The following GRIK1 variants were observed in gnomAD, a reference collection of about 807,000 sequenced individuals.
GRIK1 encodes the protein glutamate receptor ionotropic, kainate 1.
Under a neutral mutation model 105.7 loss-of-function variants are expected in GRIK1, and 69 were observed. The ratio of observed to expected loss-of-function variants is 0.65; its 90% CI spans 0.54 to 0.80. The LOEUF (loss-of-function observed/expected upper bound fraction) is 0.80. Among genes scored for constraint, GRIK1 ranks in the 30% least tolerant of loss-of-function variants. The pLI is 0.00. For synonymous variants in GRIK1, 438 were observed against 431.3 expected (o/e 1.02, Z -0.19); for missense variants, 1,109 against 1,167.3 (o/e 0.95, Z 0.73).
chr21:29,933,663 T>C (rs1416294450), intron 1 of GRIK1, among the ~76,000 whole-genome samples: 1 of 152,128 alleles, frequency 6.6e-6, no homozygotes, highest in East Asian at 1.9e-4. Context: ...AGACTGAAGG[T>C]ATGCCATGCA....
intron 1 of GRIK1, among the ~76,000 whole-genome samples, chr21:29,935,072 T>C (rs1373333936): frequency 1.3e-5 from 2 of 152,078 alleles, no homozygotes; most frequent in African/African-American, 4.8e-5. Flanking sequence ...GCCACAGAGG[T>C]CTTCCTAAAC....
chr21:29,759,194 T>G lies in GRIK1; in HGVS notation c.119-65131A>C, dbSNP rs963202057. 6.6e-5 allele frequency among the ~76,000 whole-genome samples: 10 copies of G among 151,582 alleles called. No individual in the cohort carries two copies. The South Asian group carries it at 1.9e-3, about 29-fold the overall frequency. ...GTGCAGTGACACAATCTTGGCTCAC[T>G]GTAAGCTCCACCTCCCAGGTTCACG... On this transcript the variant is annotated intron_variant, in intron 1 of 17. Transcript: ENST00000327783.
At chr21:29,657,173 A>G (rs1365944770) in intron 4 of GRIK1, among the ~76,000 whole-genome samples, 1 of 152,240 alleles carries the variant, frequency 6.6e-6, no homozygotes, top group Non-Finnish European at 1.5e-5. Flanking sequence ...GGAACTGGGC[A>G]GGTTTCATGT....
rs151027090 is a variant in GRIK1 at position 29,837,542 on chromosome 21, G to C, written c.118+101841C>G. Among the ~76,000 whole-genome samples the C allele has an allele frequency of 2.1e-3, 318 of 152,220 alleles. 1 individual carries two copies. The highest frequency in any genetic ancestry group is 7.2e-3 in the African/African-American group (299 of 41,520). Reference sequence around the variant, plus strand: ...AGGAGGACTAGGCAACCACCAATGGGGGGGAATGACAGCAAAGAGAAGTCT... The same window carrying C: ...AGGAGGACTAGGCAACCACCAATGGCGGGGAATGACAGCAAAGAGAAGTCT... On this transcript the variant is annotated intron_variant, in intron 1 of 17. Coordinates refer to ENST00000327783, the MANE Select transcript of GRIK1 (RefSeq NM_001330994.2).
intron 12 of GRIK1, among the ~76,000 whole-genome samples, chr21:29,585,971 C>T (rs1229613910): frequency 6.6e-6 from 1 of 152,200 alleles, no homozygotes; most frequent in African/African-American, 2.4e-5. Context: ...CATCCCTGGA[C>T]TCCGTCCACT....
At position 29,642,824 on chromosome 21, in the gene GRIK1, G is replaced by A; in HGVS notation, c.1098+2C>T. The A allele has an allele frequency of 6.2e-7, 1 of 1,613,832 alleles. No homozygotes were observed. The highest frequency in any genetic ancestry group is 1.7e-5 in the Admixed American group (1 of 60,034). ...CCTGGGCTGTGAGGGAGCATCACTT[G>A]CCTCTTTGATCAGGTTCATAAATCT... is the stretch of plus-strand genomic sequence containing the variant. On this transcript the variant is annotated splice_donor_variant, in intron 7 of 17. Transcript: ENST00000327783. LOFTEE classifies it low-confidence loss of function (GC_TO_GT_DONOR).
rs374023443 is a variant in GRIK1, at chr21:29,651,310, G to C, written c.781-19C>G. ...ATAAGTCCTGCATAGTATCAAAAAG[G>C]ATAACAGTGGAAAATAATTAGAATT... On this transcript the variant is annotated intron_variant, in intron 5 of 17. Transcript: ENST00000327783. The C allele has an allele frequency of 6.6e-7, 1 of 1,525,594 alleles. No homozygotes were observed. Among genetic ancestry groups the C allele is most frequent in the Non-Finnish European group, 9.0e-7 (1 of 1,114,990 alleles). 94.5% of individuals were successfully genotyped at this position (1,525,594 alleles called of 1,614,324 possible).
At chr21:29,606,373 C>T (rs879818896) in intron 7 of GRIK1, among the ~76,000 whole-genome samples, 4 of 152,076 alleles carry the variant, frequency 2.6e-5, no homozygotes, top group Non-Finnish European at 4.4e-5. Flanking sequence ...CCACACATAT[C>T]CACCCATCAG....
chr21:29,802,996 T>C (rs912184774), intron 1 of GRIK1, among the ~76,000 whole-genome samples: 5 of 152,150 alleles, frequency 3.3e-5, no homozygotes, highest in African/African-American at 1.2e-4. Context: ...TATTAATTGA[T>C]TATTATCAAA....
intron 1 of GRIK1, among the ~76,000 whole-genome samples, chr21:29,849,412 C>G (rs970462068): frequency 5.3e-5 from 8 of 152,146 alleles, no homozygotes; most frequent in African/African-American, 1.7e-4. Context: ...TAAAATCAGT[C>G]GAGCATCCAT....
chr21:29,653,091 A>G (rs1293810556), intron 5 of GRIK1, among the ~76,000 whole-genome samples: 2 of 152,292 alleles, frequency 1.3e-5, no homozygotes, highest in South Asian at 4.1e-4. Context: ...GAATGGTAAG[A>G]ATATAAAAGC....
At chr21:29,732,943 A>G (rs1483054442) in intron 1 of GRIK1, among the ~76,000 whole-genome samples, 1 of 152,190 alleles carries the variant, frequency 6.6e-6, no homozygotes, top group Non-Finnish European at 1.5e-5. Context: ...GCCACGGAAA[A>G]TGGTATTATG....
chr21:29,867,718 C>T (rs754224419), intron 1 of GRIK1, among the ~76,000 whole-genome samples: 1 of 151,568 alleles, frequency 6.6e-6, no homozygotes, highest in Non-Finnish European at 1.5e-5. Flanking sequence ...CTCTTGAACC[C>T]GAGAAGCAGA....
At chr21:29,936,888 T>G (rs1244935454) in intron 1 of GRIK1, among the ~76,000 whole-genome samples, 1 of 152,176 alleles carries the variant, frequency 6.6e-6, no homozygotes, top group Non-Finnish European at 1.5e-5. Context: ...CAGTACTAAG[T>G]GCCTAGCGAT....
chr21:29,834,073 T>C (rs1420225914), intron 1 of GRIK1, among the ~76,000 whole-genome samples: 1 of 152,062 alleles, frequency 6.6e-6, no homozygotes, highest in Admixed American at 6.6e-5. Context: ...TAGTAAACTC[T>C]TAAGGTAGGT....
chr21:29,773,358 A>C (rs776999331), intron 1 of GRIK1, among the ~76,000 whole-genome samples: 3 of 152,212 alleles, frequency 2.0e-5, no homozygotes, highest in Non-Finnish European at 4.4e-5. Flanking sequence ...AAGCACTGAC[A>C]AATGTTCAGT....
In GRIK1 at chr21:29,587,420, A is replaced by T. The variant is rs781679752; in HGVS notation, c.1739T>A (p.Met580Lys). ...TCCCAAGCAGGCTAAGAGCACATAC[A>T]TCCAAATATCTGGAGACAGGGGGTT... The part of the protein sequence containing the change: ...FLNPLSPDIW[M>K]YVLLACLGVS... Residue 580 changes from methionine to lysine, a missense_variant, in exon 12 of 18, where the codon ATG becomes AAG. By Grantham distance (95) the Met-to-Lys change is moderately conservative (BLOSUM62 -1). Transcript: ENST00000327783. The T allele has an allele frequency of 3.7e-6, 6 of 1,613,920 alleles. No individual in the cohort carries two copies. The highest frequency in any genetic ancestry group is 5.1e-6 in the Non-Finnish European group (6 of 1,179,848).
chr21:29,896,285 C>G (rs926956566), intron 1 of GRIK1, among the ~76,000 whole-genome samples: 1 of 152,174 alleles, frequency 6.6e-6, no homozygotes, highest in African/African-American at 2.4e-5. Flanking sequence ...CTCAATTTCT[C>G]GTGAGCTTTT....
intron 1 of GRIK1, among the ~76,000 whole-genome samples, chr21:29,869,182 A>G (rs2068926990): frequency 6.6e-6 from 1 of 152,138 alleles, no homozygotes; most frequent in South Asian, 2.1e-4. Flanking sequence ...TGAGTCCACT[A>G]AAGTTTCTCT....
Sources: allele counts gnomAD v4.1 joint callset (sites outside exome capture counted in the v4.1 genomes callset), GRCh38; gene constraint gnomAD v4.1.1; transcripts MANE v1.5; gene names NCBI Gene and HGNC (gene_info 2026-07-23, HGNC 2026-07-21).